Variants in TLK2 observed in about 807,000 individuals in gnomAD.
The protein encoded by TLK2 is tousled like kinase 2.
Under a neutral mutation model 117.3 loss-of-function variants are expected in TLK2, and 6 were observed. That is an observed-to-expected ratio of 0.05 (90% CI 0.03 to 0.10). The LOEUF (loss-of-function observed/expected upper bound fraction) is 0.10, where lower values mean the gene tolerates loss of function less well. TLK2 is among the 10% of genes least tolerant of loss of function. The probability of loss-of-function intolerance (pLI) is 1.00; values close to 1 mark genes in which losing one functional copy is unlikely to be tolerated. For missense variants in TLK2, 299 were observed against 901.2 expected (o/e 0.33, Z 8.56); for synonymous variants, 257 against 316.7 (o/e 0.81, Z 2.00).
chr17:62,522,903 C>T (rs2076137470), intron 4 of TLK2, among the ~76,000 whole-genome samples: 1 of 152,148 alleles, frequency 6.6e-6, no homozygotes, highest in Non-Finnish European at 1.5e-5. Context: ...AGAAAAATTA[C>T]AGAATCTTAA....
intron 16 of TLK2, among the ~76,000 whole-genome samples, chr17:62,591,613 A>G (rs1484898796): frequency 6.6e-6 from 1 of 152,176 alleles, no homozygotes; most frequent in Admixed American, 6.5e-5. Context: ...TGATGAAATG[A>G]AGCGTCAGGG....
At chr17:62,591,796 G>A (rs73992026) in intron 16 of TLK2, among the ~76,000 whole-genome samples, 20 of 152,126 alleles carry the variant, frequency 1.3e-4, no homozygotes, top group Non-Finnish European at 2.5e-4. Flanking sequence ...GGAGTTTACC[G>A]GTTTCTGAAA....
At chr17:62,563,709 C>T (rs2079490969) in intron 10 of TLK2, among the ~76,000 whole-genome samples, 1 of 152,134 alleles carries the variant, frequency 6.6e-6, no homozygotes, top group Admixed American at 6.5e-5. Flanking sequence ...TATAACTCCC[C>T]CTCTCTCTAG....
chr17:62,547,406 C>G (rs575773888), intron 7 of TLK2, among the ~76,000 whole-genome samples: 78 of 151,640 alleles, frequency 5.1e-4, no homozygotes, highest in African/African-American at 1.7e-3. Flanking sequence ...GATTTTAACA[C>G]AGGACCAGGC....
intron 7 of TLK2, among the ~76,000 whole-genome samples, chr17:62,541,007 GCT>G (rs2077489430): frequency 6.6e-6 from 1 of 152,196 alleles, no homozygotes; most frequent in East Asian, 1.9e-4. Context: ...TCTCAGTGAT[GCT>G]CTCACCTCGG....
upstream of TLK2, among the ~76,000 whole-genome samples, chr17:62,478,512 C>T (rs1439416309): frequency 6.7e-6 from 1 of 149,818 alleles, no homozygotes; most frequent in Non-Finnish European, 1.5e-5. Flanking sequence ...CAGGGCGCCC[C>T]GGGCCGCCGG....
chr17:62,542,445 G>A (rs116197728), intron 7 of TLK2, among the ~76,000 whole-genome samples: 16 of 152,154 alleles, frequency 1.1e-4, no homozygotes, highest in East Asian at 3.9e-4. Flanking sequence ...TTTACTCCTC[G>A]TTATGAAAGA....
rs575497401 is a variant in TLK2, at chr17:62,543,854, T to C, written c.531+7517T>C. Among the ~76,000 whole-genome samples, 22 of 152,344 alleles carry C rather than the reference T, an allele frequency of 1.4e-4. 1 individual carries two copies. The South Asian group carries it at 4.3e-3, about 30-fold the overall frequency. On this transcript the variant is annotated intron_variant, in intron 7 of 21. Transcript: ENST00000346027. ...TTGAGAAAAGTTCAATTTATCTGTTTTTTTTCTTTTGTTGCTTATGCTTTT... is the reference window on the plus strand; with the variant it reads ...TTGAGAAAAGTTCAATTTATCTGTTCTTTTTCTTTTGTTGCTTATGCTTTT...
At chr17:62,567,885 A>G (rs1470732696) in intron 11 of TLK2, among the ~76,000 whole-genome samples, 1 of 152,058 alleles carries the variant, frequency 6.6e-6, no homozygotes, top group Non-Finnish European at 1.5e-5. Flanking sequence ...CAGAAGATTC[A>G]TTGTCTAATA....
At chr17:62,533,376 G>A (rs1221942329) in intron 6 of TLK2, among the ~76,000 whole-genome samples, 2 of 145,056 alleles carry the variant, frequency 1.4e-5, no homozygotes, top group Non-Finnish European at 3.0e-5. Flanking sequence ...GGGTGTGTGT[G>A]TGTGTGTGTG....
intron 8 of TLK2, chr17:62,553,335 T>A: frequency 4.4e-6 from 1 of 229,560 alleles, no homozygotes; most frequent in South Asian, 6.0e-5. Context: ...TCAAGTCTCC[T>A]GTGAGATCCT....
chr17:62,533,532 A>G (rs1202885122), intron 6 of TLK2, among the ~76,000 whole-genome samples: 2 of 148,490 alleles, frequency 1.3e-5, no homozygotes, highest in Non-Finnish European at 3.0e-5. Context: ...GCTGGAGTGC[A>G]GTGGTGTGAT....
upstream of TLK2, among the ~76,000 whole-genome samples, chr17:62,474,813 A>G (rs1004723359): frequency 2.0e-5 from 3 of 149,348 alleles, no homozygotes; most frequent in Non-Finnish European, 3.0e-5. Flanking sequence ...GGCGTGAGCC[A>G]CTACACCTGG....
At chr17:62,588,656 TTTTTG>T (rs147114658) in intron 16 of TLK2, among the ~76,000 whole-genome samples, 3 of 152,042 alleles carry the variant, frequency 2.0e-5, no homozygotes, top group Non-Finnish European at 4.4e-5. Flanking sequence ...GGAGTTCTTT[TTTTTG>T]TTTTGTTTTG....
chr17:62,558,281 G>A (rs1340101448), intron 9 of TLK2, among the ~76,000 whole-genome samples: 1 of 151,874 alleles, frequency 6.6e-6, no homozygotes, highest in Non-Finnish European at 1.5e-5. Context: ...GCAATCCTCA[G>A]CCTCCCGAAC....
At chr17:62,494,842 T>C (rs1190965446) in intron 2 of TLK2, among the ~76,000 whole-genome samples, 1 of 152,176 alleles carries the variant, frequency 6.6e-6, no homozygotes, top group African/African-American at 2.4e-5. Context: ...AACTTGTTCA[T>C]TGTGTATTGC....
intron 19 of TLK2, among the ~76,000 whole-genome samples, chr17:62,603,575 G>A (rs1023356374): frequency 1.3e-5 from 2 of 151,694 alleles, no homozygotes; most frequent in African/African-American, 4.8e-5. Flanking sequence ...AGTTACTGCT[G>A]TAGTTGCTTA....
At chr17:62,605,194 G>C (rs2083190641) in intron 19 of TLK2, among the ~76,000 whole-genome samples, 1 of 152,248 alleles carries the variant, frequency 6.6e-6, no homozygotes, top group South Asian at 2.1e-4. Context: ...CAGCGTGGTG[G>C]CACACGCCTG....
chr17:62,562,648 A>C (rs1007884610), intron 10 of TLK2, among the ~76,000 whole-genome samples: 2 of 152,214 alleles, frequency 1.3e-5, no homozygotes, highest in African/African-American at 4.8e-5. Flanking sequence ...AATAAAAAAA[A>C]CCTGACAGAT....
Sources: allele counts gnomAD v4.1 joint callset (sites outside exome capture counted in the v4.1 genomes callset), GRCh38; gene constraint gnomAD v4.1.1; transcripts MANE v1.5; gene names NCBI Gene and HGNC (gene_info 2026-07-23, HGNC 2026-07-21).